The following SLC5A3 variants were observed in gnomAD, a reference collection of about 807,000 sequenced individuals.
SLC5A3 encodes the protein solute carrier family 5 member 3, also known as sodium/myo-inositol cotransporter.
Under a neutral mutation model 43.2 loss-of-function variants are expected in SLC5A3, and 10 were observed. That is an observed-to-expected ratio of 0.23 (90% CI 0.14 to 0.39). The LOEUF is 0.39. Ranked by LOEUF, SLC5A3 falls within the 10% of genes least tolerant of loss-of-function variation. The probability of loss-of-function intolerance (pLI) is 1.00; values close to 1 mark genes in which losing one functional copy is unlikely to be tolerated. For synonymous variants in SLC5A3, 349 were observed against 322.0 expected (o/e 1.08, Z -0.90); for missense variants, 608 against 893.4 (o/e 0.68, Z 4.07).
At position 34,105,617 on chromosome 21, in the gene SLC5A3, T is replaced by C. The variant is rs549832342; in HGVS notation, c.*8262T>C. 2 of 1,000,124 alleles carry C rather than the reference T, an allele frequency of 2.0e-6. No individual in the cohort carries two copies. 62.0% of individuals were successfully genotyped at this position (1,000,124 alleles called of 1,614,324 possible). ...ACACTGGGGGTGTATATTGTGTACA[T>C]GTGTCATTTTAGTTAGGCATTGTAG... On this transcript the variant is annotated 3_prime_UTR_variant, in exon 2 of 2. Coordinates refer to ENST00000381151, the MANE Select transcript of SLC5A3 (RefSeq NM_006933.7).
chr21:34,085,274 T>C (rs2148655021), intron 1 of SLC5A3, among the ~76,000 whole-genome samples: 1 of 152,310 alleles, frequency 6.6e-6, no homozygotes, highest in South Asian at 2.1e-4. Context: ...TGCGTTTTCA[T>C]GATTAGAGTT....
chr21:34,100,820 G>T lies in SLC5A3; in HGVS notation c.*3465G>T. ...CCCCTCTGACTTTGAATATCATTTG[G>T]TGTGGCCTGTGGGTTATTTTCATTC... On this transcript the variant is annotated 3_prime_UTR_variant, in exon 2 of 2. Transcript: ENST00000381151. The T allele has an allele frequency of 1.0e-6, 1 of 1,000,184 alleles. No individual in the cohort carries two copies. Among genetic ancestry groups the T allele is most frequent in the Non-Finnish European group, 1.2e-6 (1 of 829,984 alleles). The allele number at this position is 1,000,184 out of a possible 1,614,324, so 62.0% of individuals were successfully genotyped here. A position where few individuals can be genotyped will look rare whatever the true frequency, so the allele number is the denominator to read the frequency against.
rs537311980 is a variant in SLC5A3 at position 34,100,527 on chromosome 21, T to C, written c.*3172T>C. The C allele has an allele frequency of 7.0e-6, 7 of 1,000,292 alleles. No homozygotes were observed. In the South Asian group the frequency reaches 2.8e-4, roughly 40 times the overall value. The allele number at this position is 1,000,292 out of a possible 1,614,324, so 62.0% of individuals were successfully genotyped here. On this transcript the variant is annotated 3_prime_UTR_variant, in exon 2 of 2. Coordinates refer to ENST00000381151, the MANE Select transcript of SLC5A3 (RefSeq NM_006933.7). The stretch of plus-strand genomic sequence containing the variant: ...AGATCTCATCTCCTAGGGCTTCCTT[T>C]TCACTTGGCTCAAAGGATCCATTGT...
At position 34,100,711 on chromosome 21, in the gene SLC5A3, G is replaced by C; in HGVS notation, c.*3356G>C. On this transcript the variant is annotated 3_prime_UTR_variant, in exon 2 of 2. Coordinates refer to ENST00000381151, the MANE Select transcript of SLC5A3 (RefSeq NM_006933.7). ...CTTCTGTAACTTGAGGCTAAGCAAGGGGTTAACTCTTGTGAGAGCCAATAG... is the reference window on the plus strand; with the variant it reads ...CTTCTGTAACTTGAGGCTAAGCAAGCGGTTAACTCTTGTGAGAGCCAATAG... 1.0e-6 allele frequency: 1 copy of C among 1,000,144 alleles called. No individual in the cohort carries two copies. The highest frequency in any genetic ancestry group is 1.2e-6 in the Non-Finnish European group (1 of 829,950). The allele number at this position is 1,000,144 out of a possible 1,614,324, so 62.0% of individuals were successfully genotyped here. A position where few individuals can be genotyped will look rare whatever the true frequency, so the allele number is the denominator to read the frequency against.
intron 1 of SLC5A3, among the ~76,000 whole-genome samples, chr21:34,082,614 A>G (rs1871510252): frequency 6.6e-6 from 1 of 152,234 alleles, no homozygotes; most frequent in Non-Finnish European, 1.5e-5. Context: ...CATGAAAAAA[A>G]TTCAGGTGCT....
chr21:34,105,259 C>G lies in SLC5A3; in HGVS notation c.*7904C>G. The G allele has an allele frequency of 3.0e-6, 3 of 1,000,176 alleles. No individual in the cohort carries two copies. Among genetic ancestry groups the G allele is most frequent in the Non-Finnish European group, 3.6e-6 (3 of 829,976 alleles). The allele number at this position is 1,000,176 out of a possible 1,614,324, so 62.0% of individuals were successfully genotyped here. ...GACATCCCATTTTCTTTTGTCCAGA[C>G]CCATGTTGGCAATCATGTATGAACT... On this transcript the variant is annotated 3_prime_UTR_variant, in exon 2 of 2. Coordinates refer to ENST00000381151, the MANE Select transcript of SLC5A3 (RefSeq NM_006933.7).
Position 34,105,898 on chromosome 21 carries a change from A to G in SLC5A3, c.*8543A>G, listed in dbSNP as rs1334686191. 17 of 988,344 alleles carry G rather than the reference A, an allele frequency of 1.7e-5. No individual in the cohort carries two copies. The highest frequency in any genetic ancestry group is 3.5e-5 in the African/African-American group (2 of 57,014). 61.2% of individuals were successfully genotyped at this position (988,344 alleles called of 1,614,324 possible). On this transcript the variant is annotated 3_prime_UTR_variant, in exon 2 of 2. Transcript: ENST00000381151. ...ATTTAAGATTGTTAAAATCATGACAATTCTAACTTGTCTATTCTAACCTAT... is the reference window on the plus strand; with the variant it reads ...ATTTAAGATTGTTAAAATCATGACAGTTCTAACTTGTCTATTCTAACCTAT...
Position 34,095,866 on chromosome 21 carries a change from A to G in SLC5A3, c.668A>G (p.Asp223Gly). 6.2e-7 allele frequency: 1 copy of G among 1,614,072 alleles called. No homozygotes were observed. Among genetic ancestry groups the G allele is most frequent in the Non-Finnish European group, 8.5e-7 (1 of 1,179,984 alleles). Residue 223 changes from aspartate (D) to glycine (G), a missense_variant, in exon 2 of 2, where the codon GAT (aspartate) becomes GGT (glycine). Around this residue, in one of 2 missense-constraint regions of SLC5A3, gnomAD observed 398 missense variants for 668.6 expected, o/e 0.60. Coordinates refer to ENST00000381151, the MANE Select transcript of SLC5A3 (RefSeq NM_006933.7). ...VKRRYMLASP[D>G]VTSILLTYNL... Reference sequence around the variant, plus strand: ...AGAAGGTACATGTTGGCCTCACCCGATGTCACTTCCATCTTATTGACATAC... The same window carrying G: ...AGAAGGTACATGTTGGCCTCACCCGGTGTCACTTCCATCTTATTGACATAC...
chr21:34,091,341 A>T (rs2154504), intron 1 of SLC5A3, among the ~76,000 whole-genome samples: 152,306 of 152,306 alleles, frequency 1, 76,153 homozygotes, highest in Non-Finnish European at 1. Context: ...GTTTGGTTTT[A>T]GTGGCAGGTG....
chr21:34,097,192 A>G lies in SLC5A3; in HGVS notation c.1994A>G (p.Lys665Arg). 6.2e-7 allele frequency: 1 copy of G among 1,614,128 alleles called. No homozygotes were observed. ...WKFIDWFCGF[K>R]SKSLSKRSLR... is the part of the protein sequence containing the mutation. ...TTCATAGACTGGTTTTGTGGCTTTA[A>G]AAGTAAGAGCCTCAGCAAGAGGAGT... is the stretch of plus-strand genomic sequence containing the variant. The change falls in exon 2 of 2, where the codon AAA becomes AGA. Residue 665 changes from lysine to arginine, a missense_variant. Physicochemically the swap from Lys to Arg is conservative, Grantham distance 26. This residue lies in a region of SLC5A3 where 210 missense variants were observed against 224.8 expected (regional missense o/e 0.93). Transcript: ENST00000381151.
At position 34,105,722 on chromosome 21, in the gene SLC5A3, G is replaced by GT. The variant is rs1422754505; in HGVS notation, c.*8370dup. On this transcript the variant is annotated 3_prime_UTR_variant, in exon 2 of 2. Transcript: ENST00000381151. ...TTTTTGAATTGTAAATGGATTTCCAGTTTACCTTCTGTTGTCTACAGCTTT... is the reference window on the plus strand; with the variant it reads ...TTTTTGAATTGTAAATGGATTTCCAGTTTTACCTTCTGTTGTCTACAGCTTT... 1.0e-6 allele frequency: 1 copy of GT among 997,794 alleles called. No individual in the cohort carries two copies. The highest frequency in any genetic ancestry group is 6.2e-5 in the Admixed American group (1 of 16,252). 61.8% of individuals were successfully genotyped at this position (997,794 alleles called of 1,614,324 possible). A position where few individuals can be genotyped will look rare whatever the true frequency, so the allele number is the denominator to read the frequency against.
At position 34,103,342 on chromosome 21, in the gene SLC5A3, A is replaced by G. The variant is rs201979257; in HGVS notation, c.*5987A>G. 72 of 995,056 alleles carry G rather than the reference A, an allele frequency of 7.2e-5. No individual in the cohort carries two copies. The African/African-American group carries it at 1.1e-3, about 15-fold the overall frequency. The allele number at this position is 995,056 out of a possible 1,614,324, so 61.6% of individuals were successfully genotyped here. On this transcript the variant is annotated 3_prime_UTR_variant, in exon 2 of 2. Coordinates refer to ENST00000381151, the MANE Select transcript of SLC5A3 (RefSeq NM_006933.7). The stretch of plus-strand genomic sequence containing the variant: ...AAAAAAAAAAAAAAACATGCATTAC[A>G]TTGACATACTTTATGTGCAGCCTTT...
chr21:34,083,027 G>T (rs946198324), intron 1 of SLC5A3, among the ~76,000 whole-genome samples: 9 of 152,100 alleles, frequency 5.9e-5, no homozygotes, highest in Non-Finnish European at 1.3e-4. Flanking sequence ...TCATAAACTG[G>T]CATTTTTCTG....
At chr21:34,084,330 G>A (rs1989523593) in intron 1 of SLC5A3, among the ~76,000 whole-genome samples, 1 of 152,146 alleles carries the variant, frequency 6.6e-6, no homozygotes, top group African/African-American at 2.4e-5. Flanking sequence ...ATGAGCAGAA[G>A]CGATTTCCTT....
In SLC5A3 at chr21:34,104,506, T is replaced by A. The variant is rs1602940350; in HGVS notation, c.*7151T>A. On this transcript the variant is annotated 3_prime_UTR_variant, in exon 2 of 2. Coordinates refer to ENST00000381151, the MANE Select transcript of SLC5A3 (RefSeq NM_006933.7). ...CTTTGTTCCTACTCTTTTATATAAT[T>A]ATCCTTTTAGGGAAAGACTTGGTCA... 3.0e-6 allele frequency: 3 copies of A among 998,352 alleles called. No individual in the cohort carries two copies. Among genetic ancestry groups the A allele is most frequent in the African/African-American group, 3.5e-5 (2 of 57,088 alleles). The allele number at this position is 998,352 out of a possible 1,614,324, so 61.8% of individuals were successfully genotyped here.
chr21:34,095,850 A>G lies in SLC5A3; in HGVS notation c.652A>G (p.Met218Val), dbSNP rs766210897. The G allele has an allele frequency of 1.2e-6, 2 of 1,614,088 alleles. No individual in the cohort carries two copies. Among genetic ancestry groups the G allele is most frequent in the South Asian group, 1.1e-5 (1 of 91,080 alleles). ...GTTTGAGGAAGTTAAGAGAAGGTAC[A>G]TGTTGGCCTCACCCGATGTCACTTC... ...GGFEEVKRRYMLASPDVTSIL... is the reference protein window; with the variant it reads ...GGFEEVKRRYVLASPDVTSIL... The change falls in exon 2 of 2, where the codon ATG becomes GTG. Residue 218 changes from methionine (M) to valine (V), a missense_variant. Coordinates refer to ENST00000381151, the MANE Select transcript of SLC5A3 (RefSeq NM_006933.7).
chr21:34,081,313 T>TC (rs1367086531), intron 1 of SLC5A3, among the ~76,000 whole-genome samples: 2 of 152,180 alleles, frequency 1.3e-5, no homozygotes, highest in Non-Finnish European at 1.5e-5. Flanking sequence ...CAAGTGCTTG[T>TC]CATGACCCCT....
At position 34,096,288 on chromosome 21, in the gene SLC5A3, C is replaced by A. The variant is rs181200062; in HGVS notation, c.1090C>A (p.Arg364=). ...LVMKLVPVGL[R]GLMMAVMIAA... ...GATGAAGCTGGTTCCTGTGGGCCTT[C>A]GGGGTTTAATGATGGCAGTGATGAT... The change falls in exon 2 of 2, where the codon CGG becomes AGG. Residue 364 remains arginine (R), a synonymous_variant. Coordinates refer to ENST00000381151, the MANE Select transcript of SLC5A3 (RefSeq NM_006933.7). This position sits in a 1 kb window ranked among gnomAD's most constrained non-coding sequence, Gnocchi z 5.9. 1.2e-6 allele frequency: 2 copies of A among 1,614,066 alleles called. No individual in the cohort carries two copies. The highest frequency in any genetic ancestry group is 3.3e-5 in the Admixed American group (2 of 59,992).
In SLC5A3 at chr21:34,100,153, G is replaced by A. The variant is rs1161044332; in HGVS notation, c.*2798G>A. ...GACTAGAATAGCTAAAAGTCAAAAT[G>A]AGGTGAGGACACTGGTCTTGGAAGG... On this transcript the variant is annotated 3_prime_UTR_variant, in exon 2 of 2. Coordinates refer to ENST00000381151, the MANE Select transcript of SLC5A3 (RefSeq NM_006933.7). 1 of 999,634 alleles carries A rather than the reference G, an allele frequency of 1.0e-6. No individual in the cohort carries two copies. Among genetic ancestry groups the A allele is most frequent in the African/African-American group, 1.7e-5 (1 of 57,210 alleles). 61.9% of individuals were successfully genotyped at this position (999,634 alleles called of 1,614,324 possible).
Sources: allele counts gnomAD v4.1 joint callset (sites outside exome capture counted in the v4.1 genomes callset), GRCh38; gene constraint gnomAD v4.1.1; regional missense constraint gnomAD v4.1.1; non-coding constraint Gnocchi (gnomAD v3.1); transcripts MANE v1.5; gene names NCBI Gene and HGNC (gene_info 2026-07-23, HGNC 2026-07-21).